MED24: variants seen among roughly 807,000 people sequenced by gnomAD.
The protein encoded by MED24 is mediator of RNA polymerase II transcription subunit 24.
MED24 carries 74 observed loss-of-function variants against 118.8 expected under a neutral mutation model. That is an observed-to-expected ratio of 0.62 (90% CI 0.52 to 0.76). MED24 has a LOEUF of 0.76. MED24 is among the 30% of genes least tolerant of loss of function. The pLI, the probability that MED24 is intolerant of heterozygous loss-of-function variation, is 0.00. For missense variants in MED24, 1,041 were observed against 1,278.9 expected, an observed-to-expected ratio of 0.81 and a Z score of 2.84; for synonymous variants, 521 against 523.9, an observed-to-expected ratio of 0.99 and a Z score of 0.08.
chr17:40,027,576 C>T (rs1982837107), intron 15 of MED24, 111 bp from the exon 16 acceptor site: 2 of 980,888 alleles, frequency 2.0e-6, no homozygotes, highest in Admixed American at 2.5e-5. Flanking sequence ...CAAGTGGCTC[C>T]TTCAAAGCTC....
intron 18 of MED24, 42 bp from the exon 19 acceptor site, chr17:40,026,373 T>C (rs998078482): frequency 6.3e-7 from 1 of 1,597,476 alleles, no homozygotes; most frequent in Non-Finnish European, 8.6e-7. Context: ...TCTATCTCCC[T>C]TTCTTGAGCC....
intron 12 of MED24, among the ~76,000 whole-genome samples, 175 bp from the exon 13 acceptor site, chr17:40,030,034 G>A (rs1443987253): frequency 6.6e-6 from 1 of 152,198 alleles, no homozygotes; most frequent in Non-Finnish European, 1.5e-5. Context: ...CACTGATTTA[G>A]CATTAGTCTT....
At chr17:40,029,017 C>A (rs201324799) in intron 13 of MED24, 49 bp from the exon 14 acceptor site, 45 of 1,612,128 alleles carry the variant, frequency 2.8e-5, no homozygotes, top group Non-Finnish European at 3.8e-5. Flanking sequence ...GAAGACCCCC[C>A]ACCCAAGATA....
chr17:40,029,016 C>T (rs1983052308), intron 13 of MED24, 48 bp from the exon 14 acceptor site: 4 of 1,612,520 alleles, frequency 2.5e-6, no homozygotes, highest in Non-Finnish European at 3.4e-6. Context: ...TGAAGACCCC[C>T]CACCCAAGAT....
chr17:40,022,006 T>C lies in MED24; in HGVS notation c.2572A>G (p.Met858Val). 1.2e-6 allele frequency: 2 copies of C among 1,611,898 alleles called. No homozygotes were observed. The highest frequency in any genetic ancestry group is 8.5e-7 in the Non-Finnish European group (1 of 1,179,000). ...TCCTCATTAGAGCTCAGCAGTCGCATCAACTTCGAAGGCTGCACATCGTCC... is the reference window on the plus strand; with the variant it reads ...TCCTCATTAGAGCTCAGCAGTCGCACCAACTTCGAAGGCTGCACATCGTCC... ...PLDDVQPSKLMRLLSSNEDDA... is the reference protein window; with the variant it reads ...PLDDVQPSKLVRLLSSNEDDA... Residue 858 changes from methionine to valine, a missense_variant, in exon 23 of 26, where the codon ATG becomes GTG. Around this residue, in one of 3 missense-constraint regions of MED24, gnomAD observed 587 missense variants for 694.4 expected, o/e 0.85. Coordinates refer to ENST00000394128, the MANE Select transcript of MED24 (RefSeq NM_014815.4).
chr17:40,019,234 G>A lies in MED24; in HGVS notation c.*295C>T. On this transcript the variant is annotated 3_prime_UTR_variant, in exon 26 of 26. Transcript: ENST00000394128. The stretch of plus-strand genomic sequence containing the variant: ...CACTTTGCATCTAGAAAGTTCCTCA[G>A]AGGTAAGACTACTCCTGGGCTGGGG... 2.3e-6 allele frequency: 1 copy of A among 432,588 alleles called. No homozygotes were observed. Among genetic ancestry groups the A allele is most frequent in the Non-Finnish European group, 4.2e-6 (1 of 240,314 alleles). 26.8% of individuals were successfully genotyped at this position (432,588 alleles called of 1,614,324 possible).
chr17:40,042,317 G>A (rs1984643022), intron 3 of MED24, among the ~76,000 whole-genome samples: 1 of 152,154 alleles, frequency 6.6e-6, no homozygotes, highest in South Asian at 2.1e-4. Flanking sequence ...AAGAAACTAA[G>A]TGAAGATTTG....
intron 3 of MED24, among the ~76,000 whole-genome samples, chr17:40,036,364 C>T (rs1373172131): frequency 2.0e-5 from 3 of 152,060 alleles, no homozygotes; most frequent in Non-Finnish European, 4.4e-5. Context: ...AGCATAAGCC[C>T]ATCAAGAAGA....
intron 6 of MED24, chr17:40,034,886 G>T: frequency 7.3e-7 from 1 of 1,373,906 alleles, no homozygotes; most frequent in Non-Finnish European, 9.9e-7. Flanking sequence ...CTAGCACAGT[G>T]CTGGGTATAC....
chr17:40,049,376 A>G (rs1985577853), intron 3 of MED24, among the ~76,000 whole-genome samples: 1 of 152,030 alleles, frequency 6.6e-6, no homozygotes, highest in Non-Finnish European at 1.5e-5. Flanking sequence ...CATACTCAAC[A>G]TTCAGGTCTT....
chr17:40,028,107 GTTTTTTGTTTT>G lies in MED24; in HGVS notation c.1410-172_1410-162del, dbSNP rs1198527978. The G allele has an allele frequency of 5.2e-5, 37 of 709,212 alleles. 1 individual carries two copies. The highest frequency in any genetic ancestry group is 4.4e-4 in the East Asian group (16 of 36,538). The allele number at this position is 709,212 out of a possible 1,614,324, so 43.9% of individuals were successfully genotyped here. A position where few individuals can be genotyped will look rare whatever the true frequency, so the allele number is the denominator to read the frequency against. On this transcript the variant is annotated intron_variant, in intron 14 of 25. Coordinates refer to ENST00000394128, the MANE Select transcript of MED24 (RefSeq NM_014815.4). ...TAGAAAAAAGGTTTTTGTGGTTTTT[GTTTTTTGTTTT>G]TTTTTTGTTTTTTTTGAGAAAGAGT...
Position 40,033,768 on chromosome 17 carries a change from G to A in MED24, c.560-312C>T. 1.9e-6 allele frequency: 1 copy of A among 529,776 alleles called. No homozygotes were observed. The highest frequency in any genetic ancestry group is 3.6e-6 in the Non-Finnish European group (1 of 275,492). 32.8% of individuals were successfully genotyped at this position (529,776 alleles called of 1,614,324 possible). A position where few individuals can be genotyped will look rare whatever the true frequency, so the allele number is the denominator to read the frequency against. On this transcript the variant is annotated intron_variant, in intron 6 of 25. Coordinates refer to ENST00000394128, the MANE Select transcript of MED24 (RefSeq NM_014815.4). This position sits in a 1 kb window ranked among gnomAD's most constrained non-coding sequence, Gnocchi z 5.2. ...AGAGGCAGAGGGAGGCCAGAATCCA[G>A]TGGCTGGAACAGGGAGGGCGGCCAC...
rs1983452731 is a variant in MED24 at position 40,032,097 on chromosome 17, G to A, written c.937-7C>T. On this transcript the variant is annotated splice_region_variant and splice_polypyrimidine_tract_variant and intron_variant, in intron 9 of 25. Transcript: ENST00000394128. ...TCACCAAAACCTGTGGAATCTAGGG[G>A]GTGAGGCAGGGGGAAAAACAGGAAG... is the stretch of plus-strand genomic sequence containing the variant. The A allele has an allele frequency of 2.5e-6, 4 of 1,613,478 alleles. No homozygotes were observed. The Admixed American group carries it at 5.0e-5, about 20-fold the overall frequency.
chr17:40,050,628 A>G (rs1480130096), intron 3 of MED24, among the ~76,000 whole-genome samples: 1 of 152,098 alleles, frequency 6.6e-6, no homozygotes, highest in East Asian at 1.9e-4. Context: ...AAATAAAAAA[A>G]AAGTCAAATA....
intron 14 of MED24, 143 bp downstream of exon 14, chr17:40,028,683 A>G (rs1983006692): frequency 1.7e-6 from 2 of 1,206,644 alleles, no homozygotes; most frequent in South Asian, 3.0e-5. Context: ...CCTTCCTCCA[A>G]GATCTCCAGC....
chr17:40,031,029 C>A (rs894385927), intron 12 of MED24, 130 bp downstream of exon 12: 58 of 821,184 alleles, frequency 7.1e-5, no homozygotes, highest in Non-Finnish European at 1.1e-4. Flanking sequence ...GTTCCCTGTA[C>A]CCCCAGGCAC....
rs1452819466 is a variant in MED24, at chr17:40,022,066, G to A, written c.2524-12C>T. 6 of 1,577,204 alleles carry A rather than the reference G, an allele frequency of 3.8e-6. No individual in the cohort carries two copies. Among genetic ancestry groups the A allele is most frequent in the Non-Finnish European group, 5.2e-6 (6 of 1,157,942 alleles). The stretch of plus-strand genomic sequence containing the variant: ...AGGCTGATATAATCCTAGAGGGAGT[G>A]AAAGTCACTGTTATACACCCCTAAA... On this transcript the variant is annotated splice_polypyrimidine_tract_variant and intron_variant, in intron 22 of 25. Transcript: ENST00000394128.
chr17:40,019,944 T>C lies in MED24; in HGVS notation c.2705-11A>G, dbSNP rs1305575389. ...GCAGGAACAGGTTGGCTGTAGAGAGTGGGGGGAGAGTGACAGGAGGGAGTT... is the reference window on the plus strand; with the variant it reads ...GCAGGAACAGGTTGGCTGTAGAGAGCGGGGGGAGAGTGACAGGAGGGAGTT... On this transcript the variant is annotated splice_polypyrimidine_tract_variant and intron_variant, in intron 24 of 25. Coordinates refer to ENST00000394128, the MANE Select transcript of MED24 (RefSeq NM_014815.4). 3 of 1,556,848 alleles carry C rather than the reference T, an allele frequency of 1.9e-6. No individual in the cohort carries two copies. The highest frequency in any genetic ancestry group is 2.6e-6 in the Non-Finnish European group (3 of 1,150,620).
chr17:40,033,223 AC>A lies in MED24; in HGVS notation c.672-18del, dbSNP rs753346701. 1.2e-6 allele frequency: 2 copies of A among 1,613,526 alleles called. No individual in the cohort carries two copies. Among genetic ancestry groups the A allele is most frequent in the Non-Finnish European group, 1.7e-6 (2 of 1,180,000 alleles). On this transcript the variant is annotated intron_variant, in intron 7 of 25. Transcript: ENST00000394128. The surrounding 1 kb of genome is among the most constrained non-coding windows in gnomAD (Gnocchi z 5.2). The stretch of plus-strand genomic sequence containing the variant: ...GTGGGGATGCTGAGGGGTCACAAAC[AC>A]AGGGGACGGTGTTTGGGGGGCCAAA...
Sources: gnomAD v4.1 joint callset for allele counts (sites outside exome capture counted in the v4.1 genomes callset) on GRCh38, gnomAD v4.1.1 for gene constraint, gnomAD v4.1.1 regional missense constraint, Gnocchi (gnomAD v3.1) non-coding constraint, MANE v1.5 for transcripts, NCBI Gene and HGNC (gene_info 2026-07-23, HGNC 2026-07-21) for gene names.